The following ORC4 variants were observed in gnomAD, a reference collection of about 807,000 sequenced individuals.
The protein encoded by ORC4 is origin recognition complex, subunit 4 homolog.
ORC4 carries 55 observed loss-of-function variants against 63.9 expected under a neutral mutation model. The ratio of observed to expected loss-of-function variants is 0.86; its 90% CI spans 0.69 to 1.08. The LOEUF is 1.08. Among genes scored for constraint, ORC4 ranks in the 50% least tolerant of loss-of-function variants. The pLI, the probability that ORC4 is intolerant of heterozygous loss-of-function variation, is 0.00. For synonymous variants in ORC4, 150 were observed against 168.5 expected, an observed-to-expected ratio of 0.89 and a Z score of 0.85; for missense variants, 511 against 504.4, an observed-to-expected ratio of 1.01 and a Z score of -0.13.
rs542121583 is a variant in ORC4 at position 147,939,219 on chromosome 2, C to T, written c.879G>A (p.Ser293=). ...LMLALNRVTA[S]HPFMTAVDLM... is the part of the protein sequence containing the mutation. The stretch of plus-strand genomic sequence containing the variant: ...GATCTACGGCAGTCATAAATGGGTG[C>T]GATGCTGTTACTCGATTTAAAGCAA... Residue 293 remains serine, a synonymous_variant, in exon 11 of 14, where the codon TCG becomes TCA. Coordinates refer to ENST00000392857, the MANE Select transcript of ORC4 (RefSeq NM_181741.4). 11 of 1,611,880 alleles carry T rather than the reference C, an allele frequency of 6.8e-6. No homozygotes were observed. Among genetic ancestry groups the T allele is most frequent in the South Asian group, 1.1e-5 (1 of 91,034 alleles).
intron 4 of ORC4, among the ~76,000 whole-genome samples, chr2:147,971,960 A>G (rs971916479): frequency 3.3e-5 from 5 of 151,996 alleles, no homozygotes; most frequent in African/African-American, 9.7e-5. Context: ...CTTAAATGTT[A>G]AAAAAAATTT....
At chr2:147,960,465 ATATT>A in intron 4 of ORC4, 1 of 580,922 alleles carries the variant, frequency 1.7e-6, no homozygotes, top group Non-Finnish European at 2.2e-6. Flanking sequence ...TACACTAAAA[ATATT>A]TAGTTGGTTA....
chr2:148,008,578 C>T (rs1484599008), intron 1 of ORC4, among the ~76,000 whole-genome samples: 1 of 152,180 alleles, frequency 6.6e-6, no homozygotes, highest in Non-Finnish European at 1.5e-5. Context: ...TCATTCTGAT[C>T]ATCTGCTCCA....
intron 1 of ORC4, among the ~76,000 whole-genome samples, chr2:148,008,503 C>T (rs897306343): frequency 1.3e-5 from 2 of 152,044 alleles, no homozygotes; most frequent in African/African-American, 4.8e-5. Context: ...CAATTCTTTG[C>T]CTTCTAGTTT....
chr2:147,948,512 C>T (rs920421696), intron 8 of ORC4, among the ~76,000 whole-genome samples: 6 of 151,876 alleles, frequency 4.0e-5, no homozygotes, highest in Non-Finnish European at 5.9e-5. Context: ...TATTGAATAG[C>T]TATATGTCAC....
intron 1 of ORC4, among the ~76,000 whole-genome samples, chr2:148,004,028 A>G (rs1384899035): frequency 6.6e-6 from 1 of 152,206 alleles, no homozygotes; most frequent in African/African-American, 2.4e-5. Context: ...AAGAGAATAA[A>G]ATACATAGGA....
chr2:147,952,131 C>G (rs927650695), intron 8 of ORC4, among the ~76,000 whole-genome samples: 1 of 152,172 alleles, frequency 6.6e-6, no homozygotes, highest in African/African-American at 2.4e-5. Flanking sequence ...TTAGCATAAT[C>G]TGATTTCATA....
intron 1 of ORC4, among the ~76,000 whole-genome samples, chr2:148,020,222 G>A (rs1693613782): frequency 6.6e-6 from 1 of 152,184 alleles, no homozygotes; most frequent in South Asian, 2.1e-4. Flanking sequence ...TATGAGCAAC[G>A]CGTGTGATGC....
At chr2:147,963,453 G>A (rs1299197179) in intron 4 of ORC4, among the ~76,000 whole-genome samples, 1 of 152,126 alleles carries the variant, frequency 6.6e-6, no homozygotes, top group Non-Finnish European at 1.5e-5. Context: ...ATAGCCTTGT[G>A]CCTGCATCCT....
At chr2:147,951,167 T>A (rs1286474073) in intron 8 of ORC4, among the ~76,000 whole-genome samples, 2 of 152,004 alleles carry the variant, frequency 1.3e-5, no homozygotes, top group Non-Finnish European at 2.9e-5. Context: ...GAAATATGAA[T>A]TAGAAAAAAG....
At position 147,934,770 on chromosome 2, in the gene ORC4, G is replaced by A. The variant is rs1389173583; in HGVS notation, c.*740C>T. 6.6e-6 allele frequency: 1 copy of A among 152,040 alleles called. No homozygotes were observed. Among genetic ancestry groups the A allele is most frequent in the Non-Finnish European group, 1.5e-5 (1 of 68,004 alleles). 9.4% of individuals were successfully genotyped at this position (152,040 alleles called of 1,614,324 possible). A position where few individuals can be genotyped will look rare whatever the true frequency, so the allele number is the denominator to read the frequency against. ...CATAGAAAAGGTACAGTAAAAATAT[G>A]GTATAATCTTATGAGACCACCCTTT... On this transcript the variant is annotated 3_prime_UTR_variant, in exon 14 of 14. Coordinates refer to ENST00000392857, the MANE Select transcript of ORC4 (RefSeq NM_181741.4).
chr2:147,978,505 G>C (rs975488938), intron 1 of ORC4, among the ~76,000 whole-genome samples: 1 of 152,110 alleles, frequency 6.6e-6, no homozygotes, highest in Non-Finnish European at 1.5e-5. Context: ...CTTGACCCAG[G>C]GATTCAGACA....
chr2:147,955,455 G>T, intron 6 of ORC4, 60 bp from the exon 7 acceptor site: 1 of 1,207,624 alleles, frequency 8.3e-7, no homozygotes, highest in Non-Finnish European at 1.2e-6. Flanking sequence ...ACAAAAGATG[G>T]CTGTCTGATT....
chr2:148,009,180 A>C (rs943403501), intron 1 of ORC4, among the ~76,000 whole-genome samples: 2 of 152,140 alleles, frequency 1.3e-5, no homozygotes, highest in Admixed American at 6.5e-5. Flanking sequence ...AAAAAAATAA[A>C]AAGCAAGAAA....
In ORC4 at chr2:147,973,475, T is replaced by G; in HGVS notation, c.107A>C (p.Asn36Thr). The G allele has an allele frequency of 6.2e-7, 1 of 1,605,806 alleles. No homozygotes were observed. Among genetic ancestry groups the G allele is most frequent in the Non-Finnish European group, 8.5e-7 (1 of 1,172,902 alleles). ...GTATTGTACTTGCACTCCAAATAGG[T>G]TACTATGTGGACTCTGACGACAAAA... ...ERFCRQSPHS[N>T]LFGVQVQYKH... is the part of the protein sequence containing the mutation. The change falls in exon 3 of 14, where the codon AAC (asparagine) becomes ACC (threonine). Residue 36 changes from asparagine to threonine, a missense_variant. Asn to Thr is a moderately conservative substitution (Grantham distance 65). Coordinates refer to ENST00000392857, the MANE Select transcript of ORC4 (RefSeq NM_181741.4).
At chr2:148,004,326 C>T (rs1692492236) in intron 1 of ORC4, among the ~76,000 whole-genome samples, 1 of 152,116 alleles carries the variant, frequency 6.6e-6, no homozygotes, top group Non-Finnish European at 1.5e-5. Flanking sequence ...GCAAAGAGAA[C>T]AAAGCTGGAG....
At chr2:148,005,656 C>CAAAAAAAA (rs55869341) in intron 1 of ORC4, among the ~76,000 whole-genome samples, 22 of 51,480 alleles carry the variant, frequency 4.3e-4, no homozygotes, top group African/African-American at 7.8e-4. Flanking sequence ...ACTATCCATG[C>CAAAAAAAA]AAAAAAAAAA....
chr2:148,012,096 T>C (rs1389822601), intron 1 of ORC4, among the ~76,000 whole-genome samples: 2 of 150,642 alleles, frequency 1.3e-5, no homozygotes, highest in South Asian at 2.1e-4. Flanking sequence ...AAAAAAAAAA[T>C]CCTAAAATTG....
chr2:148,006,104 G>C, intron 1 of ORC4, among the ~76,000 whole-genome samples: 1 of 152,142 alleles, frequency 6.6e-6, no homozygotes, highest in East Asian at 1.9e-4. Flanking sequence ...AGACAGTCTT[G>C]CGCTGACTAC....
Sources: gnomAD v4.1 joint callset for allele counts (sites outside exome capture counted in the v4.1 genomes callset) on GRCh38, gnomAD v4.1.1 for gene constraint, MANE v1.5 for transcripts, NCBI Gene and HGNC (gene_info 2026-07-23, HGNC 2026-07-21) for gene names.